The following IMPACT variants were observed in gnomAD, a reference collection of about 807,000 sequenced individuals.
IMPACT encodes protein IMPACT.
A neutral mutation model predicts 47.5 loss-of-function variants in IMPACT; 35 were observed. The ratio of observed to expected loss-of-function variants is 0.74; its 90% CI spans 0.56 to 0.98. The LOEUF is 0.98. IMPACT is among the 50% of genes least tolerant of loss of function. The pLI, the probability that IMPACT is intolerant of heterozygous loss-of-function variation, is 0.00. For missense variants in IMPACT, 373 were observed against 394.8 expected (o/e 0.94, Z 0.47); for synonymous variants, 118 against 125.6 (o/e 0.94, Z 0.40).
chr18:24,438,515 C>A (rs957420083), intron 5 of IMPACT, among the ~76,000 whole-genome samples: 1 of 152,188 alleles, frequency 6.6e-6, no homozygotes, highest in African/African-American at 2.4e-5. Context: ...ATAACCTTGA[C>A]ACTTATGAAG....
At chr18:24,447,344 G>A (rs922789018) in intron 8 of IMPACT, among the ~76,000 whole-genome samples, 7 of 152,024 alleles carry the variant, frequency 4.6e-5, no homozygotes, top group African/African-American at 1.4e-4. Context: ...ACCATTGGTA[G>A]GGCCCTAAGA....
intron 5 of IMPACT, 114 bp from the exon 6 acceptor site, chr18:24,440,382 G>A: frequency 9.4e-7 from 1 of 1,064,014 alleles, no homozygotes; most frequent in Non-Finnish European, 1.4e-6. Flanking sequence ...CGGGCTGAGT[G>A]CTGGTTCCTT....
At chr18:24,433,611 C>G (rs1190384702) in intron 4 of IMPACT, among the ~76,000 whole-genome samples, 1 of 150,870 alleles carries the variant, frequency 6.6e-6, no homozygotes, top group East Asian at 1.9e-4. Flanking sequence ...GTAGCTGGGA[C>G]TACAGGCACA....
At chr18:24,435,785 T>A (rs1437648371) in intron 4 of IMPACT, among the ~76,000 whole-genome samples, 1 of 152,198 alleles carries the variant, frequency 6.6e-6, no homozygotes, top group African/African-American at 2.4e-5. Context: ...TTGCAAATAT[T>A]TCTCTTTGTG....
intron 4 of IMPACT, among the ~76,000 whole-genome samples, chr18:24,437,254 G>A (rs1320828328): frequency 6.6e-6 from 1 of 152,064 alleles, no homozygotes; most frequent in Non-Finnish European, 1.5e-5. Flanking sequence ...AGACACTTGG[G>A]CCTTTATTTT....
intron 8 of IMPACT, among the ~76,000 whole-genome samples, chr18:24,446,790 A>T (rs184194823): frequency 6.6e-6 from 1 of 152,204 alleles, no homozygotes. Flanking sequence ...ATGGCCTTCA[A>T]TAGGAAAATG....
intron 2 of IMPACT, 149 bp from the exon 3 acceptor site, chr18:24,428,720 G>A (rs568737001): frequency 5.9e-5 from 31 of 524,532 alleles, no homozygotes; most frequent in African/African-American, 5.3e-4. Flanking sequence ...CATCCACTTG[G>A]GGTCAGGGTA....
At chr18:24,450,376 C>T (rs1909352847) in intron 10 of IMPACT, among the ~76,000 whole-genome samples, 1 of 152,166 alleles carries the variant, frequency 6.6e-6, no homozygotes, top group African/African-American at 2.4e-5. Context: ...CCTTCACTGG[C>T]ATACCTTTAG....
In IMPACT at chr18:24,450,062, A is replaced by G. The variant is rs1909344497; in HGVS notation, c.894+109A>G. 10 of 1,205,318 alleles carry G rather than the reference A, an allele frequency of 8.3e-6. No homozygotes were observed. The South Asian group carries it at 1.3e-4, about 16-fold the overall frequency. The allele number at this position is 1,205,318 out of a possible 1,614,324, so 74.7% of individuals were successfully genotyped here. A position where few individuals can be genotyped will look rare whatever the true frequency, so the allele number is the denominator to read the frequency against. ...TCAGAATGTGAGTGGTGAATTGGTA[A>G]AACCTTTGGACTCAGAACCTGGAGA... On this transcript the variant is annotated intron_variant, in intron 10 of 10. Transcript: ENST00000284202.
Position 24,438,016 on chromosome 18 carries a change from C to A in IMPACT, c.343C>A (p.Gln115Lys). ...GGAGAAAATAAGAGATGTTCTTATA[C>A]AAAAATCTCAGATGACAGAACCAGG... The part of the protein sequence containing the change: ...WVEKIRDVLI[Q>K]KSQMTEPGPD... The change falls in exon 5 of 11, where the codon CAA (glutamine) becomes AAA (lysine). Residue 115 changes from glutamine (Q) to lysine (K), a missense_variant. Coordinates refer to ENST00000284202, the MANE Select transcript of IMPACT (RefSeq NM_018439.4). The A allele has an allele frequency of 6.4e-7, 1 of 1,558,998 alleles. No individual in the cohort carries two copies. The highest frequency in any genetic ancestry group is 8.8e-7 in the Non-Finnish European group (1 of 1,138,642).
chr18:24,438,103 A>G, intron 5 of IMPACT, 63 bp downstream of exon 5: 1 of 731,976 alleles, frequency 1.4e-6, no homozygotes, highest in South Asian at 1.7e-5. Context: ...TTATGTAGAT[A>G]CTCTAGTTGA....
At chr18:24,450,651 A>T (rs1599769229) in intron 10 of IMPACT, 128 bp from the exon 11 acceptor site, 2 of 587,116 alleles carry the variant, frequency 3.4e-6, no homozygotes, top group East Asian at 5.8e-5. Flanking sequence ...TGTAACATAT[A>T]TACATACATA....
At chr18:24,443,575 A>G (rs1219566039) in intron 7 of IMPACT, among the ~76,000 whole-genome samples, 1 of 152,242 alleles carries the variant, frequency 6.6e-6, no homozygotes, top group Non-Finnish European at 1.5e-5. Flanking sequence ...AGAGAAAATT[A>G]TGATGCTTAA....
At chr18:24,439,656 A>T (rs1909047033) in intron 5 of IMPACT, 1 of 151,486 alleles carries the variant, frequency 6.6e-6, no homozygotes, top group Non-Finnish European at 1.5e-5. Flanking sequence ...AAAAAAAAAA[A>T]AAAGAATTAG....
At chr18:24,427,334 T>C (rs2144328059) in intron 1 of IMPACT, 2 of 153,754 alleles carry the variant, frequency 1.3e-5, no homozygotes, top group South Asian at 4.1e-4. Flanking sequence ...TCCCATCTTT[T>C]CCCTTTAGGT....
At chr18:24,448,043 T>G (rs1474575756) in intron 8 of IMPACT, 50 bp from the exon 9 acceptor site, 1 of 1,061,732 alleles carries the variant, frequency 9.4e-7, no homozygotes, top group Admixed American at 1.9e-5. Flanking sequence ...GAATAAGTTT[T>G]ATTATAATAT....
intron 5 of IMPACT, among the ~76,000 whole-genome samples, chr18:24,439,102 TG>T (rs1909024101): frequency 6.6e-6 from 1 of 152,168 alleles, no homozygotes; most frequent in Admixed American, 6.5e-5. Context: ...AGTCTTTTAA[TG>T]TTAAGGCCAT....
At chr18:24,441,613 G>T (rs1253743072) in intron 6 of IMPACT, among the ~76,000 whole-genome samples, 1 of 152,100 alleles carries the variant, frequency 6.6e-6, no homozygotes, top group African/African-American at 2.4e-5. Context: ...AAGCCTCTTA[G>T]GAAAACATGG....
intron 8 of IMPACT, among the ~76,000 whole-genome samples, chr18:24,446,418 A>ATGAGTTTCAGTTT (rs1909250865): frequency 6.6e-6 from 1 of 152,216 alleles, no homozygotes; most frequent in Non-Finnish European, 1.5e-5. Flanking sequence ...CTTTTACTAC[A>ATGAGTTTCAGTTT]TGAGTTTCAG....
Sources: gnomAD v4.1 joint callset for allele counts (sites outside exome capture counted in the v4.1 genomes callset) on GRCh38, gnomAD v4.1.1 for gene constraint, MANE v1.5 for transcripts, NCBI Gene and HGNC (gene_info 2026-07-23, HGNC 2026-07-21) for gene names.